The following HECA variants were observed in gnomAD, a reference collection of about 807,000 sequenced individuals.
HECA encodes the protein HECA ribonucleoprotein granule regulator.
A neutral mutation model predicts 37.6 loss-of-function variants in HECA; 13 were observed. That is an observed-to-expected ratio of 0.35 (90% CI 0.23 to 0.55). The LOEUF (loss-of-function observed/expected upper bound fraction) is 0.55, where lower values mean the gene tolerates loss of function less well. Among genes scored for constraint, HECA ranks in the 20% least tolerant of loss-of-function variants. The pLI is 0.90. For missense variants in HECA, 527 were observed against 701.9 expected, an observed-to-expected ratio of 0.75 and a Z score of 2.82; for synonymous variants, 307 against 291.5, an observed-to-expected ratio of 1.05 and a Z score of -0.54.
intron 1 of HECA, among the ~76,000 whole-genome samples, chr6:139,138,299 G>A (rs1394174600): frequency 1.3e-5 from 2 of 151,970 alleles, no homozygotes; most frequent in South Asian, 2.1e-4. Context: ...AGTTATTATC[G>A]GTAGTAGTTT....
chr6:139,156,582 G>A (rs1774715414), intron 1 of HECA, among the ~76,000 whole-genome samples: 1 of 152,150 alleles, frequency 6.6e-6, no homozygotes, highest in Non-Finnish European at 1.5e-5. Context: ...AGTAACTTTG[G>A]AAAAGAAATT....
At chr6:139,140,914 C>T (rs1052958392) in intron 1 of HECA, among the ~76,000 whole-genome samples, 51 of 152,172 alleles carry the variant, frequency 3.4e-4, no homozygotes, top group African/African-American at 1.1e-3. Flanking sequence ...CCTCAGCCTC[C>T]GGAGTAGCTG....
intron 1 of HECA, among the ~76,000 whole-genome samples, chr6:139,148,964 C>T (rs1364356997): frequency 1.3e-5 from 2 of 152,104 alleles, no homozygotes; most frequent in South Asian, 2.1e-4. Context: ...TCATTATTTA[C>T]TTGTAATTGC....
chr6:139,167,952 A>G lies in HECA; in HGVS notation c.1312+628A>G, dbSNP rs181551053. On this transcript the variant is annotated intron_variant, in intron 2 of 3. Coordinates refer to ENST00000367658, the MANE Select transcript of HECA (RefSeq NM_016217.3). ...GACACGAGGTTGGTTAGTATAAGAA[A>G]TCTGTCAGTTCATGTACAACTACTG... 2.5e-3 allele frequency among the ~76,000 whole-genome samples: 386 copies of G among 152,290 alleles called. 1 individual carries two copies. Among genetic ancestry groups the G allele is most frequent in the African/African-American group, 9.0e-3 (376 of 41,564 alleles).
At chr6:139,139,454 T>G (rs979835766) in intron 1 of HECA, among the ~76,000 whole-genome samples, 1 of 152,216 alleles carries the variant, frequency 6.6e-6, no homozygotes, top group Non-Finnish European at 1.5e-5. Context: ...TTACGAAGTA[T>G]TAGCTGTTTG....
At chr6:139,164,529 G>A (rs934225550) in intron 1 of HECA, among the ~76,000 whole-genome samples, 1 of 152,128 alleles carries the variant, frequency 6.6e-6, no homozygotes, top group Non-Finnish European at 1.5e-5. Flanking sequence ...AAGAATTGGC[G>A]ATGTAGTTTT....
At chr6:139,175,167 T>C (rs1455581583) in intron 3 of HECA, among the ~76,000 whole-genome samples, 1 of 152,152 alleles carries the variant, frequency 6.6e-6, no homozygotes, top group Admixed American at 6.5e-5. Context: ...TATTCACATA[T>C]GAAAACACAA....
chr6:139,174,654 T>C, intron 3 of HECA, 115 bp downstream of exon 3: 1 of 1,456,880 alleles, frequency 6.9e-7, no homozygotes, highest in Non-Finnish European at 9.2e-7. Context: ...CAATGATGGC[T>C]GAGTTACTAC....
At position 139,135,376 on chromosome 6, in the gene HECA, A is replaced by C; in HGVS notation, c.-21A>C. The C allele has an allele frequency of 7.4e-7, 1 of 1,343,876 alleles. No individual in the cohort carries two copies. The allele number at this position is 1,343,876 out of a possible 1,614,324, so 83.2% of individuals were successfully genotyped here. A position where few individuals can be genotyped will look rare whatever the true frequency, so the allele number is the denominator to read the frequency against. On this transcript the variant is annotated 5_prime_UTR_variant, in exon 1 of 4. Transcript: ENST00000367658. The stretch of plus-strand genomic sequence containing the variant: ...CCGCCTTCGCTGACGCCGGGCACCT[A>C]CCTGGACGCGAGCGAGCGAGATGCC...
At chr6:139,162,121 G>GTA (rs1679800108) in intron 1 of HECA, among the ~76,000 whole-genome samples, 1 of 152,158 alleles carries the variant, frequency 6.6e-6, no homozygotes, top group Non-Finnish European at 1.5e-5. Context: ...ACTAAGATGA[G>GTA]TAAGAGGCTT....
intron 2 of HECA, chr6:139,170,308 C>G (rs1028397924): frequency 8.5e-5 from 13 of 152,210 alleles, no homozygotes; most frequent in Non-Finnish European, 1.8e-4. Flanking sequence ...TGGGTACTAT[C>G]AGTTCTTGCT....
chr6:139,136,659 G>C (rs1157477651), intron 1 of HECA, among the ~76,000 whole-genome samples: 2 of 149,402 alleles, frequency 1.3e-5, no homozygotes, highest in Non-Finnish European at 3.0e-5. Flanking sequence ...TTTTTTAGAC[G>C]GAGTTTGCAA....
chr6:139,173,402 G>A (rs764312610), intron 2 of HECA, among the ~76,000 whole-genome samples: 12 of 152,128 alleles, frequency 7.9e-5, no homozygotes, highest in African/African-American at 1.7e-4. Context: ...AAATGCAAAC[G>A]AAGGGCTCCC....
intron 2 of HECA, among the ~76,000 whole-genome samples, chr6:139,168,166 C>T (rs1774919866): frequency 6.6e-6 from 1 of 152,206 alleles, no homozygotes; most frequent in Non-Finnish European, 1.5e-5. Context: ...ATTGTAAATA[C>T]TGCTGTCTTC....
At chr6:139,164,426 G>A (rs1297651664) in intron 1 of HECA, among the ~76,000 whole-genome samples, 4 of 152,080 alleles carry the variant, frequency 2.6e-5, no homozygotes, top group Admixed American at 6.5e-5. Context: ...GAGTGCTCAG[G>A]CCTAGTGATG....
intron 1 of HECA, among the ~76,000 whole-genome samples, chr6:139,156,949 C>T (rs1446500995): frequency 6.6e-6 from 1 of 152,136 alleles, no homozygotes; most frequent in Non-Finnish European, 1.5e-5. Flanking sequence ...GGATCTCGCA[C>T]AAGAAAGAAT....
At chr6:139,149,196 GC>G (rs931020017) in intron 1 of HECA, among the ~76,000 whole-genome samples, 8 of 152,154 alleles carry the variant, frequency 5.3e-5, no homozygotes, top group African/African-American at 1.9e-4. Context: ...GATCCAGGGA[GC>G]CTTTGTGCCT....
rs574457749 is a variant in HECA at position 139,166,477 on chromosome 6, C to T, written c.465C>T (p.Asn155=). The T allele has an allele frequency of 1.7e-5, 27 of 1,614,134 alleles. No homozygotes were observed. The East Asian group carries it at 3.6e-4, about 21-fold the overall frequency. ...GCATCGGCCGCGCGCGCAGCTGGAA[C>T]GAGAAGCAATGCCGCCAGAACATGT... is the stretch of plus-strand genomic sequence containing the variant. ...FNCIGRARSW[N]EKQCRQNMWT... is the part of the protein sequence containing the mutation. The change falls in exon 2 of 4, where the codon AAC becomes AAT. Residue 155 remains asparagine (N), a synonymous_variant. Transcript: ENST00000367658.
At chr6:139,149,430 G>A (rs3777680) in intron 1 of HECA, among the ~76,000 whole-genome samples, 1 of 152,200 alleles carries the variant, frequency 6.6e-6, no homozygotes, top group East Asian at 1.9e-4. Context: ...GCAAATCGTT[G>A]TGCCATGATT....
Sources: allele counts gnomAD v4.1 joint callset (sites outside exome capture counted in the v4.1 genomes callset), GRCh38; gene constraint gnomAD v4.1.1; transcripts MANE v1.5; gene names NCBI Gene and HGNC (gene_info 2026-07-23, HGNC 2026-07-21).